The following SNX30 variants were observed in gnomAD, a reference collection of about 807,000 sequenced individuals.
SNX30 encodes sorting nexin-30.
A neutral mutation model predicts 46.4 loss-of-function variants in SNX30; 24 were observed. The ratio of observed to expected loss-of-function variants is 0.52; its 90% CI spans 0.37 to 0.73. The LOEUF is 0.73. SNX30 is among the 30% of genes least tolerant of loss of function. The pLI, the probability that SNX30 is intolerant of heterozygous loss-of-function variation, is 0.00. For missense variants in SNX30, 533 were observed against 555.7 expected (o/e 0.96, Z 0.41); for synonymous variants, 189 against 211.5 (o/e 0.89, Z 0.92).
At chr9:112,857,991 A>G (rs1259594370) in intron 7 of SNX30, among the ~76,000 whole-genome samples, 1 of 152,184 alleles carries the variant, frequency 6.6e-6, no homozygotes, top group East Asian at 1.9e-4. Context: ...AACAACCTAT[A>G]TTCTGTAATG....
intron 1 of SNX30, among the ~76,000 whole-genome samples, chr9:112,759,692 G>A (rs1213047464): frequency 1.3e-5 from 2 of 149,838 alleles, no homozygotes; most frequent in Non-Finnish European, 2.9e-5. Context: ...TTGCGCCACT[G>A]CACTCTAGCC....
At chr9:112,842,311 A>G (rs920349427) in intron 6 of SNX30, among the ~76,000 whole-genome samples, 2 of 152,176 alleles carry the variant, frequency 1.3e-5, no homozygotes, top group African/African-American at 4.8e-5. Context: ...GGTTTTGGTG[A>G]GGAGTTACTG....
At chr9:112,812,303 T>A (rs1840332662) in intron 2 of SNX30, among the ~76,000 whole-genome samples, 1 of 152,208 alleles carries the variant, frequency 6.6e-6, no homozygotes, top group South Asian at 2.1e-4. Flanking sequence ...TCACCCAGGC[T>A]GGAGTGTAGT....
In SNX30 at chr9:112,781,638, C is replaced by CT. The variant is rs551111826; in HGVS notation, c.157-23127dup. 7.0e-3 allele frequency among the ~76,000 whole-genome samples: 1,029 copies of CT among 147,320 alleles called. 11 individuals are homozygous for CT. Among genetic ancestry groups the CT allele is most frequent in the African/African-American group, 0.019 (777 of 40,396 alleles). On this transcript the variant is annotated intron_variant, in intron 1 of 8. Coordinates refer to ENST00000374232, the MANE Select transcript of SNX30 (RefSeq NM_001012994.2). Reference sequence around the variant, plus strand: ...ATTGTCTTGTTTAATTTTATTAAAACTTTTTTTTTTTAAGACAGATTCTTG... The same window carrying CT: ...ATTGTCTTGTTTAATTTTATTAAAACTTTTTTTTTTTTAAGACAGATTCTTG...
chr9:112,758,417 C>T (rs112382486), intron 1 of SNX30, among the ~76,000 whole-genome samples: 3 of 152,274 alleles, frequency 2.0e-5, no homozygotes, highest in African/African-American at 7.2e-5. Context: ...GCAACCTCTG[C>T]CTCCTGGGCT....
At chr9:112,790,516 T>G (rs1369898493) in intron 1 of SNX30, among the ~76,000 whole-genome samples, 1 of 152,176 alleles carries the variant, frequency 6.6e-6, no homozygotes, top group East Asian at 1.9e-4. Flanking sequence ...GAAGCATGCG[T>G]TGGCTCTTAA....
At chr9:112,795,542 T>C (rs770930841) in intron 1 of SNX30, among the ~76,000 whole-genome samples, 1 of 152,100 alleles carries the variant, frequency 6.6e-6, no homozygotes, top group Non-Finnish European at 1.5e-5. Flanking sequence ...CTGGAGTATG[T>C]GGCAAGGTCT....
chr9:112,752,133 C>A lies in SNX30; in HGVS notation c.156+976C>A, dbSNP rs1839288239. On this transcript the variant is annotated intron_variant, in intron 1 of 8. Transcript: ENST00000374232. ...TGGGAGCAGGGGACCTAACTTTCTTCTCCCGTTAGAGGGGACACCATGTGG... is the reference window on the plus strand; with the variant it reads ...TGGGAGCAGGGGACCTAACTTTCTTATCCCGTTAGAGGGGACACCATGTGG... Among the ~76,000 whole-genome samples the A allele has an allele frequency of 2.6e-5, 4 of 152,190 alleles. No homozygotes were observed. The South Asian group carries it at 8.3e-4, about 31-fold the overall frequency.
intron 8 of SNX30, among the ~76,000 whole-genome samples, chr9:112,864,749 TG>T (rs1346212178): frequency 1.3e-5 from 2 of 152,102 alleles, no homozygotes; most frequent in Non-Finnish European, 2.9e-5. Flanking sequence ...TACTCTGTGT[TG>T]GGGTTCTGTA....
At chr9:112,797,006 C>G (rs1325161668) in intron 1 of SNX30, among the ~76,000 whole-genome samples, 1 of 152,160 alleles carries the variant, frequency 6.6e-6, no homozygotes, top group Non-Finnish European at 1.5e-5. Context: ...CACAGGTCAC[C>G]CAGGCTCTTC....
intron 4 of SNX30, among the ~76,000 whole-genome samples, chr9:112,832,788 TA>T (rs566696495): frequency 1.2e-4 from 17 of 145,796 alleles, no homozygotes; most frequent in East Asian, 5.9e-4. Context: ...ATAAAAAATT[TA>T]AAAAAAATTA....
chr9:112,885,393 C>G (rs567135776), downstream of SNX30: 1 of 151,204 alleles, frequency 6.6e-6, no homozygotes, highest in African/African-American at 2.4e-5. Context: ...AAATCTATAT[C>G]AAATCCTGTG....
intron 4 of SNX30, among the ~76,000 whole-genome samples, chr9:112,834,839 C>CAA (rs1346067659): frequency 5.5e-5 from 6 of 108,400 alleles, no homozygotes; most frequent in Non-Finnish European, 1.1e-4. Context: ...CACACACACA[C>CAA]ACAAACACAC....
chr9:112,774,750 TC>T (rs1216756530), intron 1 of SNX30, among the ~76,000 whole-genome samples: 4 of 152,152 alleles, frequency 2.6e-5, no homozygotes, highest in Non-Finnish European at 5.9e-5. Flanking sequence ...CTATTCTGTA[TC>T]CTCTTTTGTG....
chr9:112,834,318 C>CTTAAA (rs1281572186), intron 4 of SNX30, among the ~76,000 whole-genome samples: 1 of 152,102 alleles, frequency 6.6e-6, no homozygotes, highest in East Asian at 1.9e-4. Flanking sequence ...GATCTCGGAC[C>CTTAAA]TTAAGTTCAA....
chr9:112,868,913 A>G lies in SNX30; in HGVS notation c.*70A>G. 3 of 1,451,034 alleles carry G rather than the reference A, an allele frequency of 2.1e-6. No homozygotes were observed. The highest frequency in any genetic ancestry group is 1.1e-5 in the South Asian group (1 of 87,882). The allele number at this position is 1,451,034 out of a possible 1,614,324, so 89.9% of individuals were successfully genotyped here. ...GCACCCTATACCGGAATGTCCCTGC[A>G]GTGCCAGAGACGCAGTGCTGGGAAA... is the stretch of plus-strand genomic sequence containing the variant. On this transcript the variant is annotated 3_prime_UTR_variant, in exon 9 of 9. Transcript: ENST00000374232.
rs1185488298 is a variant in SNX30, at chr9:112,871,191, T to G, written c.*2348T>G. On this transcript the variant is annotated 3_prime_UTR_variant, in exon 9 of 9. Transcript: ENST00000374232. The stretch of plus-strand genomic sequence containing the variant: ...CAGAAAGACCTGGAACAAGGCAAAC[T>G]TTATGTCCTCCTGGCATGTTATTGA... The G allele has an allele frequency of 2.0e-5, 3 of 152,194 alleles. No individual in the cohort carries two copies. Among genetic ancestry groups the G allele is most frequent in the African/African-American group, 7.2e-5 (3 of 41,438 alleles). 9.4% of individuals were successfully genotyped at this position (152,194 alleles called of 1,614,324 possible).
At chr9:112,751,424 G>A (rs756544024) in intron 1 of SNX30, among the ~76,000 whole-genome samples, 64 of 152,330 alleles carry the variant, frequency 4.2e-4, no homozygotes, top group Middle Eastern at 3.4e-3. Context: ...CTGCGTGTTG[G>A]AGCGGGAGGC....
At chr9:112,778,102 T>G (rs1839778682) in intron 1 of SNX30, among the ~76,000 whole-genome samples, 1 of 151,878 alleles carries the variant, frequency 6.6e-6, no homozygotes, top group South Asian at 2.1e-4. Flanking sequence ...TTGACTGGAG[T>G]GCCTATGTGT....
Sources: gnomAD v4.1 joint callset for allele counts (sites outside exome capture counted in the v4.1 genomes callset) on GRCh38, gnomAD v4.1.1 for gene constraint, MANE v1.5 for transcripts, NCBI Gene and HGNC (gene_info 2026-07-23, HGNC 2026-07-21) for gene names.